Variants in APP observed in about 807,000 individuals in gnomAD.
The protein encoded by APP is amyloid beta precursor protein.
A neutral mutation model predicts 101.4 loss-of-function variants in APP; 31 were observed. The observed-to-expected ratio is 0.31, with a 90% CI of 0.23 to 0.41. The LOEUF (loss-of-function observed/expected upper bound fraction) is 0.41. APP is among the 10% of genes least tolerant of loss of function. APP has a pLI of 1.00. For synonymous variants in APP, 366 were observed against 364.4 expected, an observed-to-expected ratio of 1.00 and a Z score of -0.05; for missense variants, 839 against 1,003.7, an observed-to-expected ratio of 0.84 and a Z score of 2.22.
chr21:26,040,644 C>T (rs966919662), intron 5 of APP, among the ~76,000 whole-genome samples: 1 of 151,226 alleles, frequency 6.6e-6, no homozygotes, highest in African/African-American at 2.4e-5. Context: ...AAGCAGGCAC[C>T]TGTAATCCTC....
rs138529163 is a variant in APP at position 25,948,757 on chromosome 21, CAA to C, written c.1687+5831_1687+5832del. The stretch of plus-strand genomic sequence containing the variant: ...TTGATAAATAACCTCAGTGCCAATA[CAA>C]AGAGTAGAATAGAATCCTTTTAGCA... On this transcript the variant is annotated intron_variant, in intron 13 of 17. Transcript: ENST00000346798. Among the ~76,000 whole-genome samples the C allele has an allele frequency of 2.0e-3, 306 of 152,142 alleles. 2 individuals are homozygous for C. Among genetic ancestry groups the C allele is most frequent in the African/African-American group, 7.1e-3 (295 of 41,466 alleles).
At chr21:25,955,874 C>T in intron 11 of APP, 119 bp from the exon 12 acceptor site, 1 of 1,432,588 alleles carries the variant, frequency 7.0e-7, no homozygotes, top group Non-Finnish European at 9.8e-7. Flanking sequence ...TGTGAGTCAC[C>T]TTTTTGCAGG....
At chr21:26,089,686 T>G in intron 3 of APP, 1 of 366,384 alleles carries the variant, frequency 2.7e-6, no homozygotes, top group South Asian at 3.7e-5. Context: ...CATTCAGGAG[T>G]CCTGGAACTG....
intron 11 of APP, among the ~76,000 whole-genome samples, chr21:25,956,642 C>T (rs1030670510): frequency 6.6e-6 from 1 of 152,166 alleles, no homozygotes; most frequent in African/African-American, 2.4e-5. Flanking sequence ...TTTGGGCAAA[C>T]CTAGCTATTA....
chr21:26,050,289 G>A (rs964233190), intron 5 of APP, among the ~76,000 whole-genome samples: 1 of 152,122 alleles, frequency 6.6e-6, no homozygotes, highest in African/African-American at 2.4e-5. Context: ...ATCACCCTTC[G>A]GGGGATGAGA....
intron 1 of APP, among the ~76,000 whole-genome samples, chr21:26,136,205 A>AAAGAAAGAAG (rs758175200): frequency 2.6e-5 from 3 of 116,984 alleles, no homozygotes; most frequent in African/African-American, 1.1e-4. Context: ...AAGAAAGAAA[A>AAAGAAAGAAG]GAAAAGAAAG....
At chr21:25,931,712 G>A (rs150964661) in intron 13 of APP, among the ~76,000 whole-genome samples, 4 of 152,308 alleles carry the variant, frequency 2.6e-5, no homozygotes, top group African/African-American at 7.2e-5. Flanking sequence ...AGATGCTATC[G>A]GGGTGGAGGA....
At chr21:26,153,539 G>A (rs1248375585) in intron 1 of APP, among the ~76,000 whole-genome samples, 1 of 152,082 alleles carries the variant, frequency 6.6e-6, no homozygotes, top group East Asian at 1.9e-4. Flanking sequence ...TCAAACTCCT[G>A]AGCTCAAGCA....
chr21:26,150,626 T>C (rs78788538), intron 1 of APP, among the ~76,000 whole-genome samples: 19 of 149,924 alleles, frequency 1.3e-4, no homozygotes, highest in East Asian at 5.9e-4. Context: ...GACAGATAGA[T>C]AGACAGACAG....
chr21:25,900,226 T>C (rs1210557276), intron 15 of APP, among the ~76,000 whole-genome samples: 1 of 152,008 alleles, frequency 6.6e-6, no homozygotes, highest in African/African-American at 2.4e-5. Flanking sequence ...GCTCACTCCT[T>C]TTCTGTTATT....
chr21:26,013,375 C>A (rs2043905310), intron 6 of APP, among the ~76,000 whole-genome samples: 1 of 151,942 alleles, frequency 6.6e-6, no homozygotes, highest in Non-Finnish European at 1.5e-5. Flanking sequence ...TTTAAATGAA[C>A]CTGAACCTCT....
chr21:26,061,768 A>G (rs575627278), intron 3 of APP, among the ~76,000 whole-genome samples: 2 of 152,334 alleles, frequency 1.3e-5, no homozygotes, highest in East Asian at 3.9e-4. Context: ...TATTTGCCAG[A>G]TGGTAGGAAC....
chr21:26,126,121 G>T lies in APP; in HGVS notation c.58-13975C>A, dbSNP rs560575553. On this transcript the variant is annotated intron_variant, in intron 1 of 17. Transcript: ENST00000346798. ...ATCTAAGCAAAGAGTATTTACATAA[G>T]CACAAAAATTTTTTCACAAACTTGT... 2.0e-5 allele frequency among the ~76,000 whole-genome samples: 3 copies of T among 152,276 alleles called. No individual in the cohort carries two copies. The East Asian group carries it at 5.8e-4, about 29-fold the overall frequency.
intron 5 of APP, among the ~76,000 whole-genome samples, chr21:26,038,766 A>C (rs933127448): frequency 1.3e-5 from 2 of 152,082 alleles, no homozygotes; most frequent in Non-Finnish European, 2.9e-5. Context: ...ACAAACAAAC[A>C]AACAAAAAAA....
chr21:26,125,349 A>G (rs1021561212), intron 1 of APP, among the ~76,000 whole-genome samples: 1 of 151,620 alleles, frequency 6.6e-6, no homozygotes, highest in Non-Finnish European at 1.5e-5. Flanking sequence ...TATAAAGACA[A>G]CTCTAAGTCA....
chr21:25,908,648 T>A (rs950175669), intron 14 of APP, among the ~76,000 whole-genome samples: 1 of 151,476 alleles, frequency 6.6e-6, no homozygotes, highest in Non-Finnish European at 1.5e-5. Context: ...TGATTCATCT[T>A]GAGACAGGCT....
At chr21:26,033,171 A>G (rs192320667) in intron 5 of APP, among the ~76,000 whole-genome samples, 45 of 152,308 alleles carry the variant, frequency 3.0e-4, no homozygotes, top group African/African-American at 1.1e-3. Flanking sequence ...CTTGAATTGT[A>G]ATCCTCATAA....
chr21:25,899,254 G>A (rs1188268306), intron 15 of APP, among the ~76,000 whole-genome samples: 5 of 152,190 alleles, frequency 3.3e-5, no homozygotes, highest in African/African-American at 1.2e-4. Flanking sequence ...TTAGCCTGCA[G>A]TTGGTCTGGG....
At chr21:26,121,344 T>G (rs763859578) in intron 1 of APP, among the ~76,000 whole-genome samples, 3 of 152,164 alleles carry the variant, frequency 2.0e-5, no homozygotes, top group Non-Finnish European at 2.9e-5. Flanking sequence ...TATTGCCAGG[T>G]TATTCATGGT....
Sources: allele counts gnomAD v4.1 joint callset (sites outside exome capture counted in the v4.1 genomes callset), GRCh38; gene constraint gnomAD v4.1.1; transcripts MANE v1.5; gene names NCBI Gene and HGNC (gene_info 2026-07-23, HGNC 2026-07-21).